Variants in PCDHA5 observed in about 807,000 individuals in gnomAD.
The protein encoded by PCDHA5 is protocadherin alpha-5.
A neutral mutation model predicts 61.6 loss-of-function variants in PCDHA5; 43 were observed. The ratio of observed to expected loss-of-function variants is 0.70; its 90% CI spans 0.55 to 0.90. The LOEUF (loss-of-function observed/expected upper bound fraction) is 0.90. Among genes scored for constraint, PCDHA5 ranks in the 40% least tolerant of loss-of-function variants. PCDHA5 has a pLI of 0.00. For missense variants in PCDHA5, 1,298 were observed against 1,222.7 expected (o/e 1.06, Z -0.92); for synonymous variants, 627 against 543.9 (o/e 1.15, Z -2.13).
At chr5:140,994,573 C>A (rs1587629172) in intron 3 of PCDHA5, among the ~76,000 whole-genome samples, 1 of 152,000 alleles carries the variant, frequency 6.6e-6, no homozygotes, top group African/African-American at 2.4e-5. Context: ...GGTGTGGTGG[C>A]ATGCACTTGT....
intron 1 of PCDHA5, chr5:140,929,538 A>C: frequency 3.3e-6 from 2 of 603,382 alleles, no homozygotes; most frequent in Non-Finnish European, 5.1e-6. Context: ...TTGAGAAACA[A>C]GGGCAAAAAT....
chr5:140,966,382 G>A, intron 1 of PCDHA5: 1 of 403,884 alleles, frequency 2.5e-6, no homozygotes, highest in Non-Finnish European at 4.3e-6. Context: ...GTCCGGGTTC[G>A]CTGTCCGCCA....
rs141978908 is a variant in PCDHA5 at position 140,828,437 on chromosome 5, G to T, written c.2352+4310G>T. ...GGTGATCGTGGACAGGCCGCTGCAG[G>T]TTTTCCATGTGGACGTGGAGGTGAG... On this transcript the variant is annotated intron_variant, in intron 1 of 3. Coordinates refer to ENST00000529859, the MANE Select transcript of PCDHA5 (RefSeq NM_018908.3). 7.8e-5 allele frequency: 126 copies of T among 1,614,152 alleles called. No individual in the cohort carries two copies. Among genetic ancestry groups the T allele is most frequent in the Non-Finnish European group, 9.9e-5 (117 of 1,180,064 alleles).
chr5:140,988,247 TC>T (rs2097289620), intron 3 of PCDHA5, among the ~76,000 whole-genome samples: 1 of 152,148 alleles, frequency 6.6e-6, no homozygotes, highest in Admixed American at 6.5e-5. Context: ...GTGGGGCAGC[TC>T]CCGCCTGTGA....
intron 1 of PCDHA5, among the ~76,000 whole-genome samples, chr5:140,922,635 C>G (rs1403011776): frequency 6.6e-6 from 1 of 152,118 alleles, no homozygotes; most frequent in Non-Finnish European, 1.5e-5. Context: ...ATAAGCCACT[C>G]CATCAAACAG....
Position 140,961,969 on chromosome 5 carries a change from C to A in PCDHA5, c.2353-16980C>A, listed in dbSNP as rs188846719. ...CATGATCTCGGCTCACTGCAACCTCCGCCTCCTGGGTTCACGCCATTGTCC... is the reference window on the plus strand; with the variant it reads ...CATGATCTCGGCTCACTGCAACCTCAGCCTCCTGGGTTCACGCCATTGTCC... On this transcript the variant is annotated intron_variant, in intron 1 of 3. Transcript: ENST00000529859. 8.7e-4 allele frequency among the ~76,000 whole-genome samples: 132 copies of A among 151,904 alleles called. 1 individual carries two copies. Among genetic ancestry groups the A allele is most frequent in the African/African-American group, 3.0e-3 (126 of 41,408 alleles).
chr5:140,881,679 A>G (rs2058790767), intron 1 of PCDHA5, among the ~76,000 whole-genome samples: 1 of 152,220 alleles, frequency 6.6e-6, no homozygotes, highest in Non-Finnish European at 1.5e-5. Flanking sequence ...TGTGATTGTT[A>G]TGTTTCCTTT....
At chr5:140,852,883 G>A (rs1190514830) in intron 1 of PCDHA5, 22 of 933,050 alleles carry the variant, frequency 2.4e-5, no homozygotes, top group African/African-American at 1.6e-4. Flanking sequence ...ATCATAAAAC[G>A]TATTTTTTTT....
chr5:140,838,562 T>C (rs893171521), intron 1 of PCDHA5, among the ~76,000 whole-genome samples: 4 of 152,018 alleles, frequency 2.6e-5, no homozygotes, highest in Non-Finnish European at 5.9e-5. Flanking sequence ...CATCCAGTAC[T>C]GTATTAGGGA....
chr5:140,889,089 A>G (rs1186785152), intron 1 of PCDHA5, among the ~76,000 whole-genome samples: 2 of 151,884 alleles, frequency 1.3e-5, no homozygotes, highest in Non-Finnish European at 2.9e-5. Flanking sequence ...AATTTTCAAA[A>G]CAATTTTTTC....
chr5:140,929,207 G>T (rs782298445), intron 1 of PCDHA5: 2 of 1,614,106 alleles, frequency 1.2e-6, no homozygotes, highest in Non-Finnish European at 1.7e-6. Flanking sequence ...TTGCTGTTGC[G>T]TGGGGAGTAC....
At chr5:140,862,563 C>G in intron 1 of PCDHA5, 1 of 476,978 alleles carries the variant, frequency 2.1e-6, no homozygotes, top group East Asian at 5.5e-5. Context: ...CAGTGAACCA[C>G]AATGCCCTGG....
intron 1 of PCDHA5, chr5:140,929,001 G>A (rs782325865): frequency 6.2e-7 from 1 of 1,613,996 alleles, no homozygotes; most frequent in East Asian, 2.2e-5. Context: ...TTTTCTTCGT[G>A]TGTACCAAGT....
At chr5:140,849,513 G>A (rs2150439555) in intron 1 of PCDHA5, 1 of 1,597,076 alleles carries the variant, frequency 6.3e-7, no homozygotes, top group Non-Finnish European at 8.6e-7. Context: ...TCTTGTGGAA[G>A]TTGTGGATGT....
At chr5:140,839,340 G>A (rs1354702544) in intron 1 of PCDHA5, among the ~76,000 whole-genome samples, 1 of 150,850 alleles carries the variant, frequency 6.6e-6, no homozygotes, top group Admixed American at 6.6e-5. Context: ...AAGTTGATAG[G>A]GGATCCTCCT....
In PCDHA5 at chr5:140,821,740, A is replaced by C. The variant is rs1767041750; in HGVS notation, c.-36A>C. 6.4e-7 allele frequency: 1 copy of C among 1,551,082 alleles called. No homozygotes were observed. The highest frequency in any genetic ancestry group is 8.7e-7 in the Non-Finnish European group (1 of 1,146,760). On this transcript the variant is annotated 5_prime_UTR_variant, in exon 1 of 4. It removes an upstream start codon present in the reference 5' UTR. Coordinates refer to ENST00000529859, the MANE Select transcript of PCDHA5 (RefSeq NM_018908.3). ...AATTTACAAAATACATTGTGTGGTGATGCAATAGAAAGCTCATAATTGGAA... is the reference window on the plus strand; with the variant it reads ...AATTTACAAAATACATTGTGTGGTGCTGCAATAGAAAGCTCATAATTGGAA...
At chr5:140,915,803 A>G (rs2077309798) in intron 1 of PCDHA5, among the ~76,000 whole-genome samples, 1 of 152,026 alleles carries the variant, frequency 6.6e-6, no homozygotes, top group Admixed American at 6.6e-5. Flanking sequence ...ACTACCACCT[A>G]TGTTCACTCA....
chr5:140,899,485 G>T (rs2067355642), intron 1 of PCDHA5, among the ~76,000 whole-genome samples: 2 of 152,140 alleles, frequency 1.3e-5, no homozygotes, highest in African/African-American at 4.8e-5. Flanking sequence ...TTATATGCTG[G>T]ATTACATTTA....
At chr5:140,943,927 A>G (rs1407165466) in intron 1 of PCDHA5, among the ~76,000 whole-genome samples, 2 of 152,236 alleles carry the variant, frequency 1.3e-5, no homozygotes, top group East Asian at 1.9e-4. Flanking sequence ...GAGCAGCTTT[A>G]GAAGTGTGGT....
Sources: allele counts gnomAD v4.1 joint callset (sites outside exome capture counted in the v4.1 genomes callset), GRCh38; gene constraint gnomAD v4.1.1; transcripts MANE v1.5; gene names NCBI Gene and HGNC (gene_info 2026-07-23, HGNC 2026-07-21).